SRPK2: variants seen among roughly 807,000 people sequenced by gnomAD.
SRPK2 encodes the protein SRSF protein kinase 2.
Under a neutral mutation model 90.8 loss-of-function variants are expected in SRPK2, and 21 were observed. That is an observed-to-expected ratio of 0.23 (90% CI 0.16 to 0.33). SRPK2 has a LOEUF of 0.33. Among genes scored for constraint, SRPK2 ranks in the 10% least tolerant of loss-of-function variants. SRPK2 has a pLI of 1.00. For missense variants in SRPK2, 620 were observed against 869.0 expected (o/e 0.71, Z 3.60); for synonymous variants, 288 against 311.1 (o/e 0.93, Z 0.78).
At chr7:105,389,018 G>C (rs1375751515), upstream of SRPK2, 4 of 978,792 alleles carry the variant, frequency 4.1e-6, no homozygotes, top group East Asian at 3.5e-4. Flanking sequence ...GGCCCCGGGG[G>C]TCGGGACCCC....
chr7:105,247,011 G>C (rs1801757208), intron 2 of SRPK2, among the ~76,000 whole-genome samples: 1 of 152,154 alleles, frequency 6.6e-6, no homozygotes, highest in Non-Finnish European at 1.5e-5. Context: ...ACTGGAGTGG[G>C]CCTGTGCCTC....
chr7:105,389,235 C>G (rs1475664823), upstream of SRPK2: 1 of 1,250,050 alleles, frequency 8.0e-7, no homozygotes, highest in African/African-American at 1.6e-5. Context: ...CGGCCTCTCC[C>G]CTCCGCACCC....
chr7:105,378,878 A>T (rs935754729), intron 2 of SRPK2, among the ~76,000 whole-genome samples: 4 of 152,208 alleles, frequency 2.6e-5, no homozygotes, highest in African/African-American at 4.8e-5. Context: ...GACACTGCCA[A>T]GTGTGGGCAA....
At chr7:105,131,295 C>T (rs574475455) in intron 13 of SRPK2, among the ~76,000 whole-genome samples, 4 of 152,262 alleles carry the variant, frequency 2.6e-5, no homozygotes, top group African/African-American at 9.6e-5. Context: ...CCGCAGCTCC[C>T]GTTACACTAA....
intron 3 of SRPK2, among the ~76,000 whole-genome samples, chr7:105,186,570 G>C (rs1272703751): frequency 6.6e-6 from 1 of 152,112 alleles, no homozygotes; most frequent in Non-Finnish European, 1.5e-5. Flanking sequence ...GCTGTATTCT[G>C]ACGGACTGTG....
intron 2 of SRPK2, among the ~76,000 whole-genome samples, chr7:105,347,950 A>C (rs899566157): frequency 6.6e-6 from 1 of 152,080 alleles, no homozygotes; most frequent in Non-Finnish European, 1.5e-5. Context: ...CTACTCATGA[A>C]AGACAGCTGT....
At chr7:105,284,926 A>G (rs190287483) in intron 2 of SRPK2, among the ~76,000 whole-genome samples, 3 of 152,340 alleles carry the variant, frequency 2.0e-5, no homozygotes, top group African/African-American at 7.2e-5. Context: ...TCGTTCTTCA[A>G]TTTAATAAGC....
chr7:105,145,139 T>TTAA, intron 9 of SRPK2, 144 bp downstream of exon 9: 1 of 459,054 alleles, frequency 2.2e-6, no homozygotes, highest in Non-Finnish European at 3.6e-6. Context: ...TAACAAGACA[T>TTAA]TAAGTCTTAC....
chr7:105,243,585 C>T (rs1194742697), intron 2 of SRPK2, among the ~76,000 whole-genome samples: 1 of 147,338 alleles, frequency 6.8e-6, no homozygotes, highest in Non-Finnish European at 1.5e-5. Flanking sequence ...GAGCCAAGAC[C>T]GCACCATTGC....
chr7:105,205,927 A>C (rs749989360), intron 2 of SRPK2: 1 of 492,758 alleles, frequency 2.0e-6, no homozygotes, highest in Non-Finnish European at 4.1e-6. Flanking sequence ...CATTCTCTGA[A>C]AACACACACA....
chr7:105,311,365 T>C (rs1006513762), intron 2 of SRPK2, among the ~76,000 whole-genome samples: 1 of 152,148 alleles, frequency 6.6e-6, no homozygotes, highest in Non-Finnish European at 1.5e-5. Flanking sequence ...TCTGAGTAAC[T>C]GGGACTAGTG....
intron 2 of SRPK2, chr7:105,204,827 C>T (rs1795993777): frequency 1.2e-5 from 6 of 491,562 alleles, no homozygotes; most frequent in East Asian, 5.8e-5. Flanking sequence ...AGGGTATAGC[C>T]GTTGTCAATG....
upstream of SRPK2, among the ~76,000 whole-genome samples, chr7:105,390,607 GTT>G (rs869259356): frequency 4.6e-5 from 5 of 109,036 alleles, no homozygotes; most frequent in African/African-American, 7.8e-5. Context: ...TTTTGTTTTT[GTT>G]TTTTTTTTTT....
chr7:105,157,015 G>C (rs1454255491), intron 7 of SRPK2, among the ~76,000 whole-genome samples: 2 of 152,178 alleles, frequency 1.3e-5, no homozygotes, highest in Non-Finnish European at 2.9e-5. Context: ...ATGGGAATAT[G>C]AGTCATTAAA....
intron 2 of SRPK2, among the ~76,000 whole-genome samples, chr7:105,345,970 G>A (rs1816403039): frequency 6.6e-6 from 1 of 152,330 alleles, no homozygotes; most frequent in Admixed American, 6.5e-5. Context: ...GGTAGCAAAG[G>A]TTTAAAACGT....
Position 105,117,362 on chromosome 7 carries a change from C to A in SRPK2, c.*476G>T, listed in dbSNP as rs1435754448. 6.3e-6 allele frequency: 1 copy of A among 158,676 alleles called. No individual in the cohort carries two copies. Among genetic ancestry groups the A allele is most frequent in the Non-Finnish European group, 1.4e-5 (1 of 72,568 alleles). 9.8% of individuals were successfully genotyped at this position (158,676 alleles called of 1,614,324 possible). A position where few individuals can be genotyped will look rare whatever the true frequency, so the allele number is the denominator to read the frequency against. On this transcript the variant is annotated 3_prime_UTR_variant, in exon 16 of 16. Coordinates refer to ENST00000393651, the MANE Select transcript of SRPK2 (RefSeq NM_182692.3). The stretch of plus-strand genomic sequence containing the variant: ...AAGTAACATTTACAGGGTGCATTTA[C>A]ATACACTATAATACAGGAATGATGT...
intron 2 of SRPK2, among the ~76,000 whole-genome samples, chr7:105,335,897 G>A (rs148883182): frequency 0.015 from 2,307 of 151,730 alleles, 66 homozygotes; most frequent in African/African-American, 0.053. Context: ...CAGAGGTTGC[G>A]GTGAGCCGAG....
At chr7:105,177,245 G>A (rs1482558993) in intron 3 of SRPK2, among the ~76,000 whole-genome samples, 5 of 151,622 alleles carry the variant, frequency 3.3e-5, no homozygotes, top group Admixed American at 1.3e-4. Flanking sequence ...GAGAATAGAC[G>A]GCATGACTTG....
intron 2 of SRPK2, among the ~76,000 whole-genome samples, chr7:105,357,528 G>A (rs1226696844): frequency 2.6e-5 from 4 of 152,022 alleles, no homozygotes; most frequent in Non-Finnish European, 4.4e-5. Flanking sequence ...TGGATCACCT[G>A]AGGTCAGGAG....
Sources: gnomAD v4.1 joint callset for allele counts (sites outside exome capture counted in the v4.1 genomes callset) on GRCh38, gnomAD v4.1.1 for gene constraint, MANE v1.5 for transcripts, NCBI Gene and HGNC (gene_info 2026-07-23, HGNC 2026-07-21) for gene names.